CD9: variants seen among roughly 807,000 people sequenced by gnomAD.
CD9 encodes CD9 antigen.
In CD9, 10 loss-of-function variants were observed where a neutral mutation model predicts 31.4. The ratio of observed to expected loss-of-function variants is 0.32; its 90% CI spans 0.20 to 0.54. The LOEUF (loss-of-function observed/expected upper bound fraction) is 0.54, where lower values mean the gene tolerates loss of function less well. CD9 is among the 20% of genes least tolerant of loss of function. The probability of loss-of-function intolerance (pLI) is 0.94; values close to 1 mark genes in which losing one functional copy is unlikely to be tolerated. For missense variants in CD9, 259 were observed against 300.1 expected, an observed-to-expected ratio of 0.86 and a Z score of 1.01; for synonymous variants, 113 against 114.1, an observed-to-expected ratio of 0.99 and a Z score of 0.06.
intron 1 of CD9, among the ~76,000 whole-genome samples, chr12:6,213,717 G>A (rs1946215395): frequency 1.3e-5 from 2 of 152,080 alleles, no homozygotes; most frequent in Admixed American, 6.6e-5. Flanking sequence ...TAGACACCAG[G>A]GGTAGGAAGT....
At chr12:6,200,037 C>T (rs1428104661), upstream of CD9, 1 of 152,262 alleles carries the variant, frequency 6.6e-6, no homozygotes, top group African/African-American at 2.4e-5. Context: ...GGCGCCCAGA[C>T]CAAACGCGGG....
intron 1 of CD9, among the ~76,000 whole-genome samples, chr12:6,221,708 G>A (rs1431211731): frequency 2.6e-5 from 4 of 151,138 alleles, no homozygotes; most frequent in African/African-American, 4.9e-5. Flanking sequence ...GGGCGCAGTG[G>A]CTCACACCTG....
intron 1 of CD9, among the ~76,000 whole-genome samples, chr12:6,207,338 G>T (rs959509930): frequency 3.3e-5 from 5 of 152,238 alleles, no homozygotes; most frequent in African/African-American, 1.2e-4. Flanking sequence ...CTTTGTGAAA[G>T]GCATTAGAAA....
chr12:6,204,005 A>C (rs951718189), intron 1 of CD9, among the ~76,000 whole-genome samples: 12 of 152,162 alleles, frequency 7.9e-5, no homozygotes, highest in Admixed American at 2.0e-4. Flanking sequence ...TTCCCAAGAA[A>C]CCATATCCCC....
chr12:6,225,302 C>T (rs1005343885), intron 1 of CD9, 124 bp from the exon 2 acceptor site: 5 of 675,530 alleles, frequency 7.4e-6, no homozygotes, highest in South Asian at 1.7e-5. Flanking sequence ...AACTACCAGG[C>T]GTATATGAGG....
Position 6,232,602 on chromosome 12 carries a change from C to T in CD9, c.176-30C>T, listed in dbSNP as rs3181292. Reference sequence around the variant, plus strand: ...CTGGGCCTCTGAACTGATGTCTCCACGCGTGTGTGCTTCCTCTGTCCTCCC... The same window carrying T: ...CTGGGCCTCTGAACTGATGTCTCCATGCGTGTGTGCTTCCTCTGTCCTCCC... On this transcript the variant is annotated intron_variant, in intron 2 of 7. Transcript: ENST00000009180. The surrounding 1 kb of genome is among the most constrained non-coding windows in gnomAD (Gnocchi z 4.8). The T allele has an allele frequency of 2.4e-3, 3,321 of 1,405,722 alleles. 63 individuals are homozygous for T. In the African/African-American group the frequency reaches 0.042, roughly 18 times the overall value. 87.1% of individuals were successfully genotyped at this position (1,405,722 alleles called of 1,614,324 possible).
intron 1 of CD9, among the ~76,000 whole-genome samples, chr12:6,210,817 G>T (rs1485886072): frequency 6.6e-6 from 1 of 150,812 alleles, no homozygotes; most frequent in Non-Finnish European, 1.5e-5. Context: ...TACTTGCCCT[G>T]TGATCTCAGT....
intron 1 of CD9, among the ~76,000 whole-genome samples, chr12:6,209,679 C>CTTTTTTTTTTTTTTTTTT (rs71064199): frequency 7.5e-6 from 1 of 132,616 alleles, no homozygotes. Flanking sequence ...CTGCAAATTT[C>CTTTTTTTTTTTTTTTTTT]TTTTTTTTTT....
At chr12:6,224,238 C>T (rs967248744) in intron 1 of CD9, among the ~76,000 whole-genome samples, 1 of 152,096 alleles carries the variant, frequency 6.6e-6, no homozygotes, top group Non-Finnish European at 1.5e-5. Flanking sequence ...AGGGAAGGGC[C>T]GCATCTCACA....
intron 1 of CD9, among the ~76,000 whole-genome samples, chr12:6,210,764 C>G (rs922970736): frequency 4.6e-5 from 7 of 151,912 alleles, no homozygotes; most frequent in African/African-American, 1.7e-4. Flanking sequence ...AATTGGGGCT[C>G]TGCAGTCAGA....
chr12:6,209,024 A>G (rs556661062), intron 1 of CD9, among the ~76,000 whole-genome samples: 8 of 152,074 alleles, frequency 5.3e-5, no homozygotes, highest in Admixed American at 5.2e-4. Flanking sequence ...GCTGGAGTGC[A>G]GTGGCGCAAT....
chr12:6,225,393 A>C, intron 1 of CD9, 33 bp from the exon 2 acceptor site: 1 of 1,440,474 alleles, frequency 6.9e-7, no homozygotes, highest in South Asian at 1.1e-5. Context: ...GCTGGCAGCC[A>C]GAATTAATGC....
rs570960887 is a variant in CD9, at chr12:6,203,770, C to T, written c.66+3205C>T. On this transcript the variant is annotated intron_variant, in intron 1 of 7. Transcript: ENST00000009180. ...ATGTGGTAGACACACAAGTATTTCT[C>T]CAGCTGAAATGGGGAACCAGGGTTA... Among the ~76,000 whole-genome samples the T allele has an allele frequency of 8.1e-4, 123 of 152,272 alleles. 3 individuals carry two copies. The highest frequency in any genetic ancestry group is 4.7e-4 in the Non-Finnish European group (32 of 68,032).
rs11568203 is a variant in CD9 at position 6,207,825 on chromosome 12, G to T, written c.66+7260G>T. ...GAGAAGTTTGGGGACTACTGACTTG[G>T]AGAAAAATCAGAAACCCGGGTCTTA... is the stretch of plus-strand genomic sequence containing the variant. On this transcript the variant is annotated intron_variant, in intron 1 of 7. Transcript: ENST00000009180. 7.1e-3 allele frequency among the ~76,000 whole-genome samples: 1,078 copies of T among 152,294 alleles called. 14 individuals are homozygous for T. Among genetic ancestry groups the T allele is most frequent in the African/African-American group, 0.024 (985 of 41,570 alleles).
chr12:6,233,192 T>C, intron 3 of CD9: 4 of 640,162 alleles, frequency 6.2e-6, no homozygotes, highest in Non-Finnish European at 1.1e-5. Context: ...CTCAGCTCTT[T>C]CCTCATGTCC....
At chr12:6,236,309 TGAG>T in intron 7 of CD9, 34 bp downstream of exon 7, 1 of 1,584,564 alleles carries the variant, frequency 6.3e-7, no homozygotes, top group Non-Finnish European at 8.7e-7. Flanking sequence ...GGAGGGGGAC[TGAG>T]GAGTTCACAT....
intron 1 of CD9, among the ~76,000 whole-genome samples, chr12:6,216,701 GTTTATCCATT>G (rs1245078475): frequency 6.6e-6 from 1 of 152,200 alleles, no homozygotes; most frequent in African/African-American, 2.4e-5. Flanking sequence ...AAGCAGATAA[GTTTATCCATT>G]TTCCTCCACT....
chr12:6,211,198 T>C (rs993306627), intron 1 of CD9, among the ~76,000 whole-genome samples: 14 of 152,166 alleles, frequency 9.2e-5, no homozygotes, highest in African/African-American at 3.1e-4. Flanking sequence ...ATATTACCTC[T>C]TTGGTGGGCC....
Position 6,232,740 on chromosome 12 carries a change from C to G in CD9, c.273+11C>G, listed in dbSNP as rs951497768. 6.6e-7 allele frequency: 1 copy of G among 1,519,654 alleles called. No homozygotes were observed. Among genetic ancestry groups the G allele is most frequent in the African/African-American group, 1.4e-5 (1 of 72,806 alleles). 94.1% of individuals were successfully genotyped at this position (1,519,654 alleles called of 1,614,324 possible). ...TGCATGCTGGGACTGGTGAGTATCC[C>G]CTCGGCATCCCCACAGCCACCCTGA... On this transcript the variant is annotated intron_variant, in intron 3 of 7. Transcript: ENST00000009180. This position sits in a 1 kb window ranked among gnomAD's most constrained non-coding sequence, Gnocchi z 4.8.
Sources: allele counts gnomAD v4.1 joint callset (sites outside exome capture counted in the v4.1 genomes callset), GRCh38; gene constraint gnomAD v4.1.1; non-coding constraint Gnocchi (gnomAD v3.1); transcripts MANE v1.5; gene names NCBI Gene and HGNC (gene_info 2026-07-23, HGNC 2026-07-21).